ZBTB20: variants seen among roughly 807,000 people sequenced by gnomAD.
ZBTB20 encodes zinc finger and BTB domain-containing protein 20.
A neutral mutation model predicts 56.9 loss-of-function variants in ZBTB20; 9 were observed. The observed-to-expected ratio is 0.16, with a 90% CI of 0.10 to 0.28. The LOEUF (loss-of-function observed/expected upper bound fraction) is 0.28, where lower values mean the gene tolerates loss of function less well. ZBTB20 is among the 10% of genes least tolerant of loss of function. The probability of loss-of-function intolerance (pLI) is 1.00; values close to 1 mark genes in which losing one functional copy is unlikely to be tolerated. For missense variants in ZBTB20, 655 were observed against 1,003.0 expected (o/e 0.65, Z 4.69); for synonymous variants, 417 against 420.7 (o/e 0.99, Z 0.11).
chr3:115,047,115 C>G (rs370999870), intron 2 of ZBTB20, among the ~76,000 whole-genome samples: 1 of 152,148 alleles, frequency 6.6e-6, no homozygotes, highest in Non-Finnish European at 1.5e-5. Context: ...TTGTCATCAT[C>G]TTTGAGGCTG....
chr3:114,679,179 C>T (rs568630658), intron 6 of ZBTB20, among the ~76,000 whole-genome samples: 2 of 151,960 alleles, frequency 1.3e-5, no homozygotes, highest in Non-Finnish European at 2.9e-5. Context: ...CCATAAAAAC[C>T]CTAGAAGAAA....
Position 114,334,328 on chromosome 3 carries a change from C to T in ZBTB20, c.*4677G>A, listed in dbSNP as rs770872391. 2.0e-5 allele frequency: 3 copies of T among 152,158 alleles called. No homozygotes were observed. The highest frequency in any genetic ancestry group is 2.9e-5 in the Non-Finnish European group (2 of 68,040). The allele number at this position is 152,158 out of a possible 1,614,324, so 9.4% of individuals were successfully genotyped here. Reference sequence around the variant, plus strand: ...TTGTGGAGGAGCCCCAACAAGGAAGCAACATATGGCTTTATTATGTTTTCT... The same window carrying T: ...TTGTGGAGGAGCCCCAACAAGGAAGTAACATATGGCTTTATTATGTTTTCT... On this transcript the variant is annotated 3_prime_UTR_variant, in exon 12 of 12. Coordinates refer to ENST00000675478, the MANE Select transcript of ZBTB20 (RefSeq NM_001348800.3).
At chr3:114,912,996 A>C (rs2075602467) in intron 3 of ZBTB20, among the ~76,000 whole-genome samples, 1 of 151,686 alleles carries the variant, frequency 6.6e-6, no homozygotes, top group African/African-American at 2.4e-5. Context: ...ATGGACACTT[A>C]GGTTGCTACC....
At chr3:114,981,406 A>G (rs2078321090) in intron 2 of ZBTB20, among the ~76,000 whole-genome samples, 1 of 152,126 alleles carries the variant, frequency 6.6e-6, no homozygotes, top group Non-Finnish European at 1.5e-5. Context: ...GGACAATTGC[A>G]TTACAAGGTA....
chr3:114,743,060 A>T (rs1176477240), intron 5 of ZBTB20, among the ~76,000 whole-genome samples: 3 of 152,028 alleles, frequency 2.0e-5, no homozygotes, highest in African/African-American at 7.2e-5. Flanking sequence ...ACAAGTGACA[A>T]TTTTTTTACA....
At chr3:114,621,045 C>G (rs1428485878) in intron 6 of ZBTB20, among the ~76,000 whole-genome samples, 1 of 151,988 alleles carries the variant, frequency 6.6e-6, no homozygotes, top group Non-Finnish European at 1.5e-5. Flanking sequence ...ATGTACTCAG[C>G]CTTATAAAAT....
At chr3:114,500,624 C>T (rs1462095975) in intron 6 of ZBTB20, among the ~76,000 whole-genome samples, 1 of 152,178 alleles carries the variant, frequency 6.6e-6, no homozygotes. Context: ...CAAGACAGTA[C>T]TTCCCAGCAC....
At chr3:115,087,940 G>A (rs1255570988) in intron 1 of ZBTB20, among the ~76,000 whole-genome samples, 3 of 151,964 alleles carry the variant, frequency 2.0e-5, no homozygotes, top group African/African-American at 7.2e-5. Flanking sequence ...AAGGGATGGA[G>A]TAAGTTGTGT....
At chr3:114,653,431 T>C (rs1174962721) in intron 6 of ZBTB20, among the ~76,000 whole-genome samples, 1 of 151,992 alleles carries the variant, frequency 6.6e-6, no homozygotes, top group Non-Finnish European at 1.5e-5. Context: ...TGATTTATTT[T>C]CAAACGTTAA....
chr3:114,994,478 C>A (rs532136939), intron 2 of ZBTB20, among the ~76,000 whole-genome samples: 10 of 151,964 alleles, frequency 6.6e-5, no homozygotes, highest in African/African-American at 2.4e-4. Flanking sequence ...AATATTTTCA[C>A]AACAAACTTA....
Position 114,378,097 on chromosome 3 carries a change from T to TA in ZBTB20, c.199+2119dup, listed in dbSNP as rs534758211. On this transcript the variant is annotated intron_variant, in intron 10 of 11. Transcript: ENST00000675478. ...CTATGGTAAGAATGACATTTGAAAG[T>TA]AAAAAAAAAAAAATCCTCTTGAATG... 8.3e-3 allele frequency among the ~76,000 whole-genome samples: 1,183 copies of TA among 142,506 alleles called. 14 individuals carry two copies. Among genetic ancestry groups the TA allele is most frequent in the African/African-American group, 0.024 (955 of 39,066 alleles). The allele number at this position is 142,506 out of a possible 152,430, so 93.5% of individuals were successfully genotyped here.
rs989817129 is a variant in ZBTB20, at chr3:114,652,078, G to T, written c.-295+41450C>A. ...ATTCATGGACTTCAAAATGTACACA[G>T]AATGAGTTTTGATTTTGATAAATTT... On this transcript the variant is annotated intron_variant, in intron 6 of 11. Transcript: ENST00000675478. Among the ~76,000 whole-genome samples the T allele has an allele frequency of 6.6e-5, 10 of 151,950 alleles. 1 individual carries two copies. The highest frequency in any genetic ancestry group is 2.2e-4 in the African/African-American group (9 of 41,380).
chr3:115,077,950 C>T (rs964351760), intron 1 of ZBTB20, among the ~76,000 whole-genome samples: 3 of 152,142 alleles, frequency 2.0e-5, no homozygotes, highest in Non-Finnish European at 4.4e-5. Flanking sequence ...CTAAATGATG[C>T]ACTTGTACCA....
At chr3:114,424,782 T>C (rs2089501572) in intron 7 of ZBTB20, among the ~76,000 whole-genome samples, 1 of 152,162 alleles carries the variant, frequency 6.6e-6, no homozygotes, top group Non-Finnish European at 1.5e-5. Flanking sequence ...TAAAAATATC[T>C]AGTAAGCAAG....
intron 6 of ZBTB20, among the ~76,000 whole-genome samples, chr3:114,652,240 G>C (rs778139958): frequency 2.6e-5 from 4 of 151,850 alleles, no homozygotes; most frequent in Non-Finnish European, 4.4e-5. Context: ...TTTTTATCAC[G>C]ATAGAATAGT....
At chr3:114,764,989 T>C (rs2068684841) in intron 5 of ZBTB20, among the ~76,000 whole-genome samples, 1 of 152,152 alleles carries the variant, frequency 6.6e-6, no homozygotes, top group Non-Finnish European at 1.5e-5. Flanking sequence ...CCTCCATTCA[T>C]ATTACATGGG....
chr3:114,806,469 T>C (rs2072112872), intron 4 of ZBTB20, among the ~76,000 whole-genome samples: 1 of 151,930 alleles, frequency 6.6e-6, no homozygotes, highest in African/African-American at 2.4e-5. Context: ...GAAGAATTCT[T>C]TATATATTAT....
chr3:114,968,647 G>T (rs1297050180), intron 3 of ZBTB20, among the ~76,000 whole-genome samples: 1 of 152,064 alleles, frequency 6.6e-6, no homozygotes, highest in East Asian at 1.9e-4. Flanking sequence ...AACACACTTC[G>T]GTCACCTCCT....
At chr3:114,452,288 A>G (rs190423651) in intron 7 of ZBTB20, among the ~76,000 whole-genome samples, 27 of 152,278 alleles carry the variant, frequency 1.8e-4, no homozygotes, top group African/African-American at 5.3e-4. Context: ...CTCCTTAAGC[A>G]CTATTAAAAG....
Sources: gnomAD v4.1 joint callset for allele counts (sites outside exome capture counted in the v4.1 genomes callset) on GRCh38, gnomAD v4.1.1 for gene constraint, MANE v1.5 for transcripts, NCBI Gene and HGNC (gene_info 2026-07-23, HGNC 2026-07-21) for gene names.